The following VPS13B variants were observed in gnomAD, a reference collection of about 807,000 sequenced individuals.
The protein encoded by VPS13B is vacuolar protein sorting 13 homolog B.
VPS13B carries 285 observed loss-of-function variants against 426.4 expected under a neutral mutation model. That is an observed-to-expected ratio of 0.67 (90% confidence interval 0.61 to 0.74). The LOEUF (loss-of-function observed/expected upper bound fraction) is 0.74. VPS13B is among the 30% of genes least tolerant of loss of function. VPS13B has a pLI of 0.00. For missense variants in VPS13B, 4,537 were observed against 4,782.6 expected (o/e 0.95, Z 1.51); for synonymous variants, 1,676 against 1,676.4 (o/e 1.00, Z 0.01).
chr8:99,743,041 T>C (rs1588674411), intron 39 of VPS13B, among the ~76,000 whole-genome samples: 1 of 152,208 alleles, frequency 6.6e-6, no homozygotes, highest in Admixed American at 6.5e-5. Flanking sequence ...AAATTGTCCC[T>C]GTTTGCAGGC....
At chr8:99,072,606 C>G (rs144861926) in intron 3 of VPS13B, among the ~76,000 whole-genome samples, 185 of 152,182 alleles carry the variant, frequency 1.2e-3, no homozygotes, top group African/African-American at 4.2e-3. Flanking sequence ...AACATAATAC[C>G]ATTCGTGTAT....
chr8:99,818,963 GGGCGGC>G, intron 47 of VPS13B, 75 bp downstream of exon 47: 1 of 1,169,004 alleles, frequency 8.6e-7, no homozygotes, highest in Non-Finnish European at 1.2e-6. Context: ...TTGCACTGGG[GGGCGGC>G]GGGGGAGGGG....
rs143307644 is a variant in VPS13B at position 99,222,876 on chromosome 8, G to A, written c.2515+29819G>A. ...TTTTGAGATAGAGTCTTACTCTGCCGCCCAGGCTTGAGTGCAGTGGCATGA... is the reference window on the plus strand; with the variant it reads ...TTTTGAGATAGAGTCTTACTCTGCCACCCAGGCTTGAGTGCAGTGGCATGA... On this transcript the variant is annotated intron_variant, in intron 17 of 61. Coordinates refer to ENST00000357162, the MANE Select transcript of VPS13B (RefSeq NM_152564.5). Among the ~76,000 whole-genome samples, 112 of 152,242 alleles carry A rather than the reference G, an allele frequency of 7.4e-4. 1 individual carries two copies. In the East Asian group the frequency reaches 9.8e-3, roughly 13 times the overall value.
At chr8:99,485,383 A>G (rs1563755289) in intron 25 of VPS13B, among the ~76,000 whole-genome samples, 1 of 152,182 alleles carries the variant, frequency 6.6e-6, no homozygotes, top group Non-Finnish European at 1.5e-5. Context: ...AATATTAAGA[A>G]CATATTTATG....
intron 17 of VPS13B, among the ~76,000 whole-genome samples, chr8:99,246,938 T>C (rs1817255794): frequency 1.3e-5 from 2 of 152,344 alleles, no homozygotes; most frequent in South Asian, 2.1e-4. Context: ...AGGCAATCTA[T>C]TGGTGAATTA....
intron 39 of VPS13B, 42 bp downstream of exon 39, chr8:99,721,089 A>G (rs1274151804): frequency 6.2e-7 from 1 of 1,600,908 alleles, no homozygotes; most frequent in Admixed American, 1.7e-5. Flanking sequence ...ACATTGTGGG[A>G]AAGGGCTGAT....
At position 99,500,440 on chromosome 8, in the gene VPS13B, A is replaced by G. The variant is rs143559186; in HGVS notation, c.3871-1247A>G. Among the ~76,000 whole-genome samples, 139 of 152,268 alleles carry G rather than the reference A, an allele frequency of 9.1e-4. 2 individuals are homozygous for G. Among genetic ancestry groups the G allele is most frequent in the African/African-American group, 3.3e-3 (137 of 41,570 alleles). On this transcript the variant is annotated intron_variant, in intron 25 of 61. Coordinates refer to ENST00000357162, the MANE Select transcript of VPS13B (RefSeq NM_152564.5). Reference sequence around the variant, plus strand: ...AATTTATGAACTATTTTCTATGTGTATATTCTTCATTCACATTCATATTTC... The same window carrying G: ...AATTTATGAACTATTTTCTATGTGTGTATTCTTCATTCACATTCATATTTC...
chr8:99,872,397 C>T (rs1238774672), intron 61 of VPS13B, among the ~76,000 whole-genome samples: 1 of 152,210 alleles, frequency 6.6e-6, no homozygotes, highest in Non-Finnish European at 1.5e-5. Flanking sequence ...AGAATCCCCC[C>T]TGGGGATGAT....
chr8:99,755,634 G>A (rs1484971406), intron 39 of VPS13B, among the ~76,000 whole-genome samples: 3 of 152,046 alleles, frequency 2.0e-5, no homozygotes, highest in African/African-American at 7.2e-5. Context: ...GTTGGGTGTG[G>A]TGGTGCATGC....
chr8:99,608,897 A>G (rs1827720779), intron 33 of VPS13B, among the ~76,000 whole-genome samples: 1 of 151,992 alleles, frequency 6.6e-6, no homozygotes, highest in Non-Finnish European at 1.5e-5. Flanking sequence ...AAAAATATAT[A>G]TATATTTATT....
intron 43 of VPS13B, among the ~76,000 whole-genome samples, chr8:99,791,506 G>T (rs1812532331): frequency 1.3e-5 from 2 of 152,076 alleles, no homozygotes; most frequent in Non-Finnish European, 2.9e-5. Context: ...CAGGATCACA[G>T]ATGTATTTCA....
chr8:99,021,104 C>T (rs1841860675), intron 2 of VPS13B, among the ~76,000 whole-genome samples: 1 of 152,168 alleles, frequency 6.6e-6, no homozygotes, highest in South Asian at 2.1e-4. Flanking sequence ...TTTGTAAATA[C>T]AGTTTTATTG....
intron 3 of VPS13B, among the ~76,000 whole-genome samples, chr8:99,047,985 G>T (rs537938431): frequency 6.6e-6 from 1 of 152,304 alleles, no homozygotes; most frequent in Admixed American, 6.5e-5. Flanking sequence ...ACTGTGCTCT[G>T]CTCTATGAAC....
At chr8:99,015,116 T>G (rs1415948509) in intron 2 of VPS13B, among the ~76,000 whole-genome samples, 1 of 152,054 alleles carries the variant, frequency 6.6e-6, no homozygotes, top group African/African-American at 2.4e-5. Context: ...CCTGGCTGCT[T>G]CTTTTTCCTC....
chr8:99,236,306 G>A (rs1816647778), intron 17 of VPS13B, among the ~76,000 whole-genome samples: 1 of 151,612 alleles, frequency 6.6e-6, no homozygotes. Flanking sequence ...CTGGAGTGCA[G>A]TGGCGTGATC....
chr8:99,204,691 A>G (rs756433530), intron 17 of VPS13B, among the ~76,000 whole-genome samples: 1 of 152,246 alleles, frequency 6.6e-6, no homozygotes, highest in Non-Finnish European at 1.5e-5. Context: ...AAAAGTGTGC[A>G]AAAGATATGA....
intron 47 of VPS13B, among the ~76,000 whole-genome samples, chr8:99,819,134 GGGATCA>G (rs1476243338): frequency 2.6e-5 from 4 of 152,002 alleles, no homozygotes; most frequent in African/African-American, 9.7e-5. Flanking sequence ...ATAACCAGCA[GGGATCA>G]TCAGAACTTT....
intron 21 of VPS13B, among the ~76,000 whole-genome samples, chr8:99,397,227 C>G (rs972752100): frequency 2.6e-5 from 4 of 152,120 alleles, no homozygotes. Context: ...CTCACTGCAA[C>G]CTCCACCTCC....
At chr8:99,832,749 A>G (rs1815151791) in intron 52 of VPS13B, 97 bp downstream of exon 52, 1 of 1,231,822 alleles carries the variant, frequency 8.1e-7, no homozygotes. Flanking sequence ...AGGGCTCCCC[A>G]TATGTAATAT....
Sources: gnomAD v4.1 joint callset for allele counts (sites outside exome capture counted in the v4.1 genomes callset) on GRCh38, gnomAD v4.1.1 for gene constraint, MANE v1.5 for transcripts, NCBI Gene and HGNC (gene_info 2026-07-23, HGNC 2026-07-21) for gene names.